OTOGL: variants seen among roughly 807,000 people sequenced by gnomAD.
The protein encoded by OTOGL is otogelin like, also known as otogelin-like protein.
Under a neutral mutation model 318.5 loss-of-function variants are expected in OTOGL, and 285 were observed. The ratio of observed to expected loss-of-function variants is 0.89; its 90% CI spans 0.81 to 0.99. The LOEUF is 0.99. Among genes scored for constraint, OTOGL ranks in the 50% least tolerant of loss-of-function variants. The pLI is 0.00. For missense variants in OTOGL, 2,899 were observed against 2,845.6 expected (o/e 1.02, Z -0.43); for synonymous variants, 987 against 936.5 (o/e 1.05, Z -0.99).
intron 1 of OTOGL, among the ~76,000 whole-genome samples, chr12:80,158,486 T>C (rs1830419): frequency 0.059 from 8,920 of 152,062 alleles, 840 homozygotes; most frequent in African/African-American, 0.2. Flanking sequence ...CTTGCAGAAT[T>C]GGTAGAATGG....
intron 1 of OTOGL, among the ~76,000 whole-genome samples, chr12:80,179,964 C>T (rs913622218): frequency 2.6e-5 from 4 of 152,180 alleles, no homozygotes; most frequent in Admixed American, 6.5e-5. Flanking sequence ...TGACAAAGAT[C>T]GAAGACAAAA....
intron 44 of OTOGL, among the ~76,000 whole-genome samples, chr12:80,349,548 G>A (rs7960392): frequency 0.71 from 108,338 of 151,938 alleles, 40,598 homozygotes; most frequent in Non-Finnish European, 0.84. Flanking sequence ...GCAATGGAGC[G>A]CGGTACCTTT....
chr12:80,268,752 A>G (rs1004078301), intron 22 of OTOGL, among the ~76,000 whole-genome samples: 3 of 151,954 alleles, frequency 2.0e-5, no homozygotes, highest in Admixed American at 2.0e-4. Context: ...CTTCCTTTCC[A>G]TCATCACTGC....
intron 1 of OTOGL, among the ~76,000 whole-genome samples, chr12:80,183,738 G>A (rs994501092): frequency 1.1e-4 from 17 of 152,174 alleles, no homozygotes; most frequent in African/African-American, 4.1e-4. Context: ...AGGATAGGCC[G>A]AGGGATGAAT....
chr12:80,110,234 A>ATT (rs1228979404), intron 1 of OTOGL, among the ~76,000 whole-genome samples: 6 of 151,768 alleles, frequency 4.0e-5, no homozygotes, highest in Admixed American at 3.3e-4. Flanking sequence ...CACCCGGCTA[A>ATT]TTTTTTGTAT....
At chr12:80,235,746 C>T (rs1429296012) in intron 9 of OTOGL, among the ~76,000 whole-genome samples, 3 of 152,138 alleles carry the variant, frequency 2.0e-5, no homozygotes, top group Non-Finnish European at 4.4e-5. Context: ...TATAGCTGAA[C>T]TGGCAGAAGG....
intron 26 of OTOGL, among the ~76,000 whole-genome samples, chr12:80,284,240 G>C (rs1884448031): frequency 6.6e-6 from 1 of 152,136 alleles, no homozygotes; most frequent in Admixed American, 6.6e-5. Flanking sequence ...AGTATCCGAT[G>C]GTGTATATGT....
chr12:80,193,174 C>T (rs1282575270), intron 1 of OTOGL, among the ~76,000 whole-genome samples: 1 of 152,050 alleles, frequency 6.6e-6, no homozygotes, highest in Non-Finnish European at 1.5e-5. Context: ...AAAGGAACTT[C>T]AGAACTTCAT....
At chr12:80,232,576 C>A (rs898666831) in intron 8 of OTOGL, among the ~76,000 whole-genome samples, 9 of 152,158 alleles carry the variant, frequency 5.9e-5, no homozygotes, top group African/African-American at 1.7e-4. Flanking sequence ...GGTTATTTTC[C>A]AGGTTTAACA....
At chr12:80,264,270 ATAT>A (rs1882775722) in intron 19 of OTOGL, among the ~76,000 whole-genome samples, 1 of 152,186 alleles carries the variant, frequency 6.6e-6, no homozygotes, top group African/African-American at 2.4e-5. Context: ...ATAAAGAATT[ATAT>A]CTGATCAGTC....
chr12:80,220,295 G>C (rs986592079), intron 6 of OTOGL, among the ~76,000 whole-genome samples: 2 of 152,052 alleles, frequency 1.3e-5, no homozygotes, highest in African/African-American at 2.4e-5. Flanking sequence ...TAGTAGCTGG[G>C]ACTACAGGTA....
intron 30 of OTOGL, among the ~76,000 whole-genome samples, chr12:80,312,476 T>C (rs1233440154): frequency 1.3e-5 from 2 of 152,156 alleles, no homozygotes; most frequent in Non-Finnish European, 2.9e-5. Context: ...TCTAATAGAG[T>C]AAATATTGGT....
chr12:80,349,971 AATAAT>A (rs1447199532), intron 44 of OTOGL, among the ~76,000 whole-genome samples: 1 of 152,180 alleles, frequency 6.6e-6, no homozygotes, highest in Non-Finnish European at 1.5e-5. Flanking sequence ...AGCATTTTTC[AATAAT>A]ATAATATTAT....
rs1470568053 is a variant in OTOGL, at chr12:80,253,581, G to A, written c.1394+7G>A. ...AACAAGAATGTACTGAATGGTATGT[G>A]ATCAGTGTGCAGCCAATTATTTCTG... On this transcript the variant is annotated splice_region_variant and intron_variant, in intron 14 of 58. Transcript: ENST00000547103. 1 of 1,588,740 alleles carries A rather than the reference G, an allele frequency of 6.3e-7. No individual in the cohort carries two copies. Among genetic ancestry groups the A allele is most frequent in the Non-Finnish European group, 8.6e-7 (1 of 1,157,366 alleles).
chr12:80,114,885 C>G (rs1393963791), intron 1 of OTOGL, among the ~76,000 whole-genome samples: 1 of 151,248 alleles, frequency 6.6e-6, no homozygotes, highest in Non-Finnish European at 1.5e-5. Flanking sequence ...CTCTTATATC[C>G]TTTCTTCTGC....
At chr12:80,285,841 C>T (rs1298011927) in intron 26 of OTOGL, among the ~76,000 whole-genome samples, 1 of 152,012 alleles carries the variant, frequency 6.6e-6, no homozygotes, top group Non-Finnish European at 1.5e-5. Flanking sequence ...GATGTTCTCT[C>T]TTCCTATTTG....
At chr12:80,106,595 A>G (rs1244646456) in intron 1 of OTOGL, among the ~76,000 whole-genome samples, 2 of 152,182 alleles carry the variant, frequency 1.3e-5, no homozygotes, top group African/African-American at 4.8e-5. Flanking sequence ...TTTTGCAGCC[A>G]TCTCATGAAA....
chr12:80,192,455 A>G (rs940885160), intron 1 of OTOGL, among the ~76,000 whole-genome samples: 1 of 152,134 alleles, frequency 6.6e-6, no homozygotes, highest in African/African-American at 2.4e-5. Flanking sequence ...GTGTGATCTG[A>G]CTTTCTCACA....
rs150158307 is a variant in OTOGL, at chr12:80,169,950, A to C, written c.-19-39463A>C. The stretch of plus-strand genomic sequence containing the variant: ...GTTATTTGCAATTTGGAAATTATGA[A>C]TAATGCTACTATCAACATTCACATG... On this transcript the variant is annotated intron_variant, in intron 1 of 58. Transcript: ENST00000547103. Among the ~76,000 whole-genome samples the C allele has an allele frequency of 8.5e-5, 13 of 152,348 alleles. No individual in the cohort carries two copies. The East Asian group carries it at 2.5e-3, about 29-fold the overall frequency.
Sources: gnomAD v4.1 joint callset for allele counts (sites outside exome capture counted in the v4.1 genomes callset) on GRCh38, gnomAD v4.1.1 for gene constraint, MANE v1.5 for transcripts, NCBI Gene and HGNC (gene_info 2026-07-23, HGNC 2026-07-21) for gene names.